The following SPECC1 variants were observed in gnomAD, a reference collection of about 807,000 sequenced individuals.
The protein encoded by SPECC1 is sperm antigen with calponin homology and coiled-coil domains 1, also known as cytospin-B.
SPECC1 carries 62 observed loss-of-function variants against 104.1 expected under a neutral mutation model. The ratio of observed to expected loss-of-function variants is 0.60; its 90% CI spans 0.49 to 0.74. The LOEUF (loss-of-function observed/expected upper bound fraction) is 0.74. SPECC1 is among the 30% of genes least tolerant of loss of function. The probability of loss-of-function intolerance (pLI) is 0.00; values close to 1 mark genes in which losing one functional copy is unlikely to be tolerated. For missense variants in SPECC1, 1,306 were observed against 1,310.5 expected, an observed-to-expected ratio of 1.00 and a Z score of 0.05; for synonymous variants, 513 against 501.6, an observed-to-expected ratio of 1.02 and a Z score of -0.30.
chr17:20,037,663 A>G (rs1039184099), intron 1 of SPECC1, among the ~76,000 whole-genome samples: 1 of 152,040 alleles, frequency 6.6e-6, no homozygotes, highest in African/African-American at 2.4e-5. Context: ...GTTGGTGGTA[A>G]TTCTTCATTA....
chr17:20,238,483 G>A, intron 7 of SPECC1: 4 of 1,042,610 alleles, frequency 3.8e-6, no homozygotes, highest in Non-Finnish European at 4.6e-6. Context: ...CAAAGGATGA[G>A]ACAAGACAAA....
At chr17:20,201,900 T>C (rs1284519436) in intron 3 of SPECC1, among the ~76,000 whole-genome samples, 1 of 152,000 alleles carries the variant, frequency 6.6e-6, no homozygotes, top group Non-Finnish European at 1.5e-5. Flanking sequence ...GTTGCAACAG[T>C]TTGAAAAAAA....
chr17:20,053,492 A>G (rs1253301086), intron 1 of SPECC1, among the ~76,000 whole-genome samples: 2 of 152,354 alleles, frequency 1.3e-5, no homozygotes, highest in African/African-American at 4.8e-5. Flanking sequence ...GGAATAAGGC[A>G]GAAGTGAGAG....
At chr17:20,287,587 G>A (rs148364609) in intron 12 of SPECC1, among the ~76,000 whole-genome samples, 275 of 152,100 alleles carry the variant, frequency 1.8e-3, no homozygotes, top group Middle Eastern at 6.8e-3. Context: ...TGACCCCCTC[G>A]TTCCTGAAAA....
intron 1 of SPECC1, among the ~76,000 whole-genome samples, chr17:20,024,509 T>C (rs1345636709): frequency 6.6e-6 from 1 of 152,234 alleles, no homozygotes; most frequent in African/African-American, 2.4e-5. Flanking sequence ...TCAGGGTTTT[T>C]TCTCTTTATC....
chr17:20,015,447 G>A (rs76600466), intron 1 of SPECC1, among the ~76,000 whole-genome samples: 2,186 of 151,732 alleles, frequency 0.014, 39 homozygotes, highest in African/African-American at 0.05. Flanking sequence ...ATCTTTATGG[G>A]CTGCATTCTG....
chr17:20,014,637 C>T (rs764692671), intron 1 of SPECC1, among the ~76,000 whole-genome samples: 6 of 152,160 alleles, frequency 3.9e-5, no homozygotes, highest in Non-Finnish European at 7.4e-5. Flanking sequence ...CTGCTGGTAT[C>T]TAGGAAGAAG....
At chr17:20,150,291 T>C (rs1186749026) in intron 3 of SPECC1, among the ~76,000 whole-genome samples, 1 of 148,604 alleles carries the variant, frequency 6.7e-6, no homozygotes, top group Non-Finnish European at 1.5e-5. Flanking sequence ...CCTTTTTTCT[T>C]TTTTTTTTTG....
intron 1 of SPECC1, among the ~76,000 whole-genome samples, chr17:20,040,646 G>A (rs1371650447): frequency 6.6e-6 from 1 of 152,126 alleles, no homozygotes; most frequent in Non-Finnish European, 1.5e-5. Flanking sequence ...AAACCATTGT[G>A]TCATTTCCTT....
chr17:20,231,730 A>T (rs200360649), intron 5 of SPECC1, 28 bp from the exon 6 acceptor site: 2 of 1,609,994 alleles, frequency 1.2e-6, no homozygotes, highest in Non-Finnish European at 8.5e-7. Flanking sequence ...CAGCTTTTCT[A>T]AGCCCTGTCT....
At chr17:20,239,878 GTTTTTTTTTTTT>G (rs60216339) in intron 7 of SPECC1, among the ~76,000 whole-genome samples, 15 of 36,946 alleles carry the variant, frequency 4.1e-4, no homozygotes, top group East Asian at 9.6e-4. Context: ...ATTTCGCTGA[GTTTTTTTTTTTT>G]TTTTTTTTTT....
At chr17:20,271,355 C>G (rs770500593) in intron 12 of SPECC1, among the ~76,000 whole-genome samples, 1 of 152,138 alleles carries the variant, frequency 6.6e-6, no homozygotes, top group Non-Finnish European at 1.5e-5. Flanking sequence ...CCCACCCCCC[C>G]CATGCTTCCT....
chr17:20,266,445 G>A (rs1487578014), intron 12 of SPECC1, among the ~76,000 whole-genome samples: 10 of 152,338 alleles, frequency 6.6e-5, no homozygotes, highest in Non-Finnish European at 1.2e-4. Context: ...TTAGCCGGGC[G>A]TGGTGGCACG....
rs2042025250 is a variant in SPECC1, at chr17:20,315,238, T to G, written c.*1173T>G. 2 of 232,650 alleles carry G rather than the reference T, an allele frequency of 8.6e-6. No homozygotes were observed. The highest frequency in any genetic ancestry group is 1.2e-4 in the East Asian group (2 of 16,496). The allele number at this position is 232,650 out of a possible 1,614,324, so 14.4% of individuals were successfully genotyped here. Reference sequence around the variant, plus strand: ...CCTTTAGTGCTTCCCCAGGCCTCTTTCATCGGCATGGGAAAAGCCCTTAGG... The same window carrying G: ...CCTTTAGTGCTTCCCCAGGCCTCTTGCATCGGCATGGGAAAAGCCCTTAGG... On this transcript the variant is annotated 3_prime_UTR_variant, in exon 15 of 15. Coordinates refer to ENST00000395527, the MANE Select transcript of SPECC1 (RefSeq NM_001243439.2).
intron 9 of SPECC1, among the ~76,000 whole-genome samples, chr17:20,252,816 C>G (rs1183830364): frequency 6.6e-6 from 1 of 152,120 alleles, no homozygotes; most frequent in African/African-American, 2.4e-5. Flanking sequence ...GTGAATTATG[C>G]TGCAATGAGC....
chr17:20,163,997 C>T (rs1044446171), intron 3 of SPECC1, among the ~76,000 whole-genome samples: 1 of 152,156 alleles, frequency 6.6e-6, no homozygotes, highest in Non-Finnish European at 1.5e-5. Context: ...ATCCAATTCT[C>T]ATAAACATTA....
chr17:20,111,424 T>A (rs914574351), intron 3 of SPECC1, among the ~76,000 whole-genome samples: 7 of 152,228 alleles, frequency 4.6e-5, no homozygotes, highest in African/African-American at 1.7e-4. Flanking sequence ...TTCTTGGATA[T>A]AAAGGGAATG....
intron 1 of SPECC1, among the ~76,000 whole-genome samples, chr17:20,079,578 CT>C (rs2046888036): frequency 6.6e-6 from 1 of 152,208 alleles, no homozygotes; most frequent in South Asian, 2.1e-4. Context: ...GCGTGAACCA[CT>C]GTGCCTGGCC....
intron 1 of SPECC1, among the ~76,000 whole-genome samples, chr17:20,065,623 T>G (rs2046331964): frequency 6.6e-6 from 1 of 152,128 alleles, no homozygotes; most frequent in Non-Finnish European, 1.5e-5. Context: ...ACCTTTTGGG[T>G]TTTTATGGAG....
Sources: gnomAD v4.1 joint callset for allele counts (sites outside exome capture counted in the v4.1 genomes callset) on GRCh38, gnomAD v4.1.1 for gene constraint, MANE v1.5 for transcripts, NCBI Gene and HGNC (gene_info 2026-07-23, HGNC 2026-07-21) for gene names.